TTC34: variants seen among roughly 807,000 people sequenced by gnomAD.
TTC34 encodes the protein tetratricopeptide repeat protein 34.
Under a neutral mutation model 40.7 loss-of-function variants are expected in TTC34, and 44 were observed. That is an observed-to-expected ratio of 1.08 (90% confidence interval 0.85 to 1.39). The LOEUF is 1.39. Ranked by LOEUF, TTC34 falls within the 40% of genes most tolerant of loss-of-function variation. The pLI is 0.00. For synonymous variants in TTC34, 422 were observed against 398.6 expected (o/e 1.06, Z -0.70); for missense variants, 884 against 838.0 (o/e 1.05, Z -0.68).
At chr1:2,754,059 C>CCCAGG (rs1641418635) in intron 6 of TTC34, among the ~76,000 whole-genome samples, 1 of 86,676 alleles carries the variant, frequency 1.2e-5, no homozygotes, top group Non-Finnish European at 2.0e-5. Context: ...CACCCACACC[C>CCCAGG]TCAGGTGAGC....
chr1:2,691,642 C>T (rs887608564), intron 6 of TTC34, among the ~76,000 whole-genome samples: 1 of 114,366 alleles, frequency 8.7e-6, no homozygotes, highest in East Asian at 2.5e-4. Flanking sequence ...GCGCACGTGA[C>T]AGCCTGGAAC....
At chr1:2,671,249 CCT>C (rs1412235162) in intron 6 of TTC34, among the ~76,000 whole-genome samples, 7 of 1,720 alleles carry the variant, frequency 4.1e-3, no homozygotes, top group African/African-American at 9.1e-3. Flanking sequence ...CCTCTGACAG[CCT>C]GTAACAGCAG....
intron 6 of TTC34, among the ~76,000 whole-genome samples, chr1:2,657,404 C>G (rs1408612195): frequency 2.5e-5 from 2 of 80,252 alleles, no homozygotes; most frequent in South Asian, 3.7e-4. Flanking sequence ...TCTGACCTCC[C>G]GGAGCAGTAC....
intron 6 of TTC34, among the ~76,000 whole-genome samples, chr1:2,779,099 C>A (rs1643429357): frequency 6.6e-6 from 1 of 152,280 alleles, no homozygotes; most frequent in Middle Eastern, 3.4e-3. Context: ...TACCAGGAAT[C>A]CCTTCCTTTT....
chr1:2,639,595 A>G (rs1638857870), exon 9 of TTC34: 2 of 152,458 alleles, frequency 1.3e-5, no homozygotes, highest in Non-Finnish European at 2.9e-5. Context: ...GTGTTTGTTG[A>G]GTCCTTGAGC....
chr1:2,768,195 A>T lies in TTC34; in HGVS notation c.2226+15414T>A, dbSNP rs1641848802. 1.3e-5 allele frequency among the ~76,000 whole-genome samples: 2 copies of T among 151,880 alleles called. 1 individual carries two copies. Among genetic ancestry groups the T allele is most frequent in the South Asian group, 4.2e-4 (2 of 4,772 alleles). On this transcript the variant is annotated intron_variant, in intron 6 of 8. Transcript: ENST00000401095. The stretch of plus-strand genomic sequence containing the variant: ...AGGTGAGCATCTGACAGCCTGGAGC[A>T]GCAGTGCCCACCCCTGGGTGAGGAT...
intron 6 of TTC34, among the ~76,000 whole-genome samples, chr1:2,764,459 C>A (rs1641737151): frequency 6.7e-6 from 1 of 150,356 alleles, no homozygotes; most frequent in Non-Finnish European, 1.5e-5. Context: ...GCAGTGCCCA[C>A]AGCCCCAGGT....
chr1:2,698,916 G>T (rs540570388), intron 6 of TTC34, among the ~76,000 whole-genome samples: 1,215 of 104,084 alleles, frequency 0.012, 15 homozygotes, highest in Admixed American at 0.02. Context: ...ACAGCCTGGA[G>T]TAGTATCCTG....
At chr1:2,687,003 C>A (rs1307601347) in intron 6 of TTC34, among the ~76,000 whole-genome samples, 10 of 148,696 alleles carry the variant, frequency 6.7e-5, no homozygotes, top group Admixed American at 4.6e-4. Flanking sequence ...AGCACCCACA[C>A]CCCCAGGTGA....
chr1:2,691,898 C>T (rs929263797), intron 6 of TTC34, among the ~76,000 whole-genome samples: 1 of 66,900 alleles, frequency 1.5e-5, no homozygotes, highest in African/African-American at 4.5e-5. Context: ...GGAGCAGCAA[C>T]CTGCACACCC....
At chr1:2,752,805 C>G (rs1641368067) in intron 6 of TTC34, among the ~76,000 whole-genome samples, 2 of 132,718 alleles carry the variant, frequency 1.5e-5, no homozygotes, top group Non-Finnish European at 3.2e-5. Context: ...CCTGGAACAG[C>G]TCCCTGCATC....
At chr1:2,683,512 C>T (rs1427547244) in intron 6 of TTC34, among the ~76,000 whole-genome samples, 18 of 133,648 alleles carry the variant, frequency 1.3e-4, no homozygotes, top group African/African-American at 5.0e-4. Flanking sequence ...GGCACCCACA[C>T]CACCAGGTGA....
intron 6 of TTC34, among the ~76,000 whole-genome samples, chr1:2,768,590 A>C (rs1641878649): frequency 1.3e-5 from 2 of 151,932 alleles, no homozygotes; most frequent in African/African-American, 2.4e-5. Flanking sequence ...CAGCCAGGTG[A>C]GCAGCTGAAA....
chr1:2,641,373 G>A lies in TTC34; in HGVS notation c.3235C>T (p.Gln1079Ter). The A allele has an allele frequency of 1.3e-6, 2 of 1,508,698 alleles. No individual in the cohort carries two copies. Among genetic ancestry groups the A allele is most frequent in the Non-Finnish European group, 1.8e-6 (2 of 1,131,010 alleles). The allele number at this position is 1,508,698 out of a possible 1,614,324, so 93.5% of individuals were successfully genotyped here. A position where few individuals can be genotyped will look rare whatever the true frequency, so the allele number is the denominator to read the frequency against. ...TGGGAGAGGGTCAGGCCCAGTCACT[G>A]TAGCCAGCAGCCTGAGGATGCCTCC... Residue 1079 changes from glutamine to a stop codon, truncating the protein, a stop_gained, in exon 9 of 9, where the codon CAG becomes TAG. Coordinates refer to ENST00000401095, the Ensembl canonical transcript of TTC34. LOFTEE classifies it high-confidence loss of function.
At chr1:2,650,554 T>C (rs1434864112) in intron 6 of TTC34, among the ~76,000 whole-genome samples, 2 of 143,612 alleles carry the variant, frequency 1.4e-5, no homozygotes, top group African/African-American at 2.6e-5. Flanking sequence ...CCCCAGGGGA[T>C]CATCTGATAG....
intron 6 of TTC34, among the ~76,000 whole-genome samples, chr1:2,681,202 A>C (rs1179721302): frequency 1.0e-5 from 1 of 99,414 alleles, no homozygotes; most frequent in Non-Finnish European, 2.0e-5. Context: ...GAGCATCTGA[A>C]CACACGGAGC....
At chr1:2,752,380 A>C (rs1227229179) in intron 6 of TTC34, among the ~76,000 whole-genome samples, 1 of 129,158 alleles carries the variant, frequency 7.7e-6, no homozygotes, top group Non-Finnish European at 1.6e-5. Flanking sequence ...CCCCCAGGCG[A>C]GCATCTGAGA....
intron 6 of TTC34, among the ~76,000 whole-genome samples, chr1:2,776,674 C>A (rs1316078756): frequency 7.3e-5 from 1 of 13,732 alleles, no homozygotes; most frequent in African/African-American, 5.9e-4. Flanking sequence ...AGCCTGGAAA[C>A]CCCCCCACTG....
At chr1:2,754,993 T>C (rs1641458074) in intron 6 of TTC34, among the ~76,000 whole-genome samples, 1 of 63,836 alleles carries the variant, frequency 1.6e-5, no homozygotes. Context: ...CAGGCGAGCA[T>C]CTCACAGCAC....
Sources: allele counts gnomAD v4.1 joint callset (sites outside exome capture counted in the v4.1 genomes callset), GRCh38; gene constraint gnomAD v4.1.1; transcripts MANE v1.5; gene names NCBI Gene and HGNC (gene_info 2026-07-23, HGNC 2026-07-21).